PTPN12: variants seen among roughly 807,000 people sequenced by gnomAD.
PTPN12 encodes the protein tyrosine-protein phosphatase non-receptor type 12.
Under a neutral mutation model 97.6 loss-of-function variants are expected in PTPN12, and 29 were observed. The ratio of observed to expected loss-of-function variants is 0.30; its 90% CI spans 0.22 to 0.41. The LOEUF (loss-of-function observed/expected upper bound fraction) is 0.41. Among genes scored for constraint, PTPN12 ranks in the 10% least tolerant of loss-of-function variants. PTPN12 has a pLI of 1.00. For synonymous variants in PTPN12, 327 were observed against 300.4 expected, an observed-to-expected ratio of 1.09 and a Z score of -0.91; for missense variants, 819 against 926.0, an observed-to-expected ratio of 0.88 and a Z score of 1.50.
At chr7:77,627,740 T>C (rs894161181) in intron 13 of PTPN12, 65 bp downstream of exon 13, 23 of 1,404,604 alleles carry the variant, frequency 1.6e-5, no homozygotes, top group Non-Finnish European at 1.7e-5. Context: ...TTAAGCACTT[T>C]AGCTGTATTG....
rs75631926 is a variant in PTPN12, at chr7:77,543,078, A to G, written c.99+5433A>G. ...GAGAACCAGAGATGTCAGAAAAGCCAGGGAGAGTTTCAAGAAAGGAGTTAT... is the reference window on the plus strand; with the variant it reads ...GAGAACCAGAGATGTCAGAAAAGCCGGGGAGAGTTTCAAGAAAGGAGTTAT... On this transcript the variant is annotated intron_variant, in intron 1 of 17. Coordinates refer to ENST00000248594, the MANE Select transcript of PTPN12 (RefSeq NM_002835.4). 5.1e-3 allele frequency among the ~76,000 whole-genome samples: 774 copies of G among 152,326 alleles called. 21 individuals are homozygous for G. The highest frequency in any genetic ancestry group is 0.034 in the Admixed American group (521 of 15,298).
chr7:77,604,051 C>G (rs1234188202), intron 8 of PTPN12, among the ~76,000 whole-genome samples: 1 of 146,884 alleles, frequency 6.8e-6, no homozygotes, highest in Non-Finnish European at 1.5e-5. Flanking sequence ...CTACACCCAG[C>G]TAATTTTGGG....
At chr7:77,596,767 G>A (rs977906057) in intron 6 of PTPN12, among the ~76,000 whole-genome samples, 1 of 152,092 alleles carries the variant, frequency 6.6e-6, no homozygotes, top group African/African-American at 2.4e-5. Flanking sequence ...TGAGAGGAAG[G>A]TACAGAGATT....
chr7:77,582,212 G>A (rs1233606015), intron 3 of PTPN12, among the ~76,000 whole-genome samples: 2 of 145,210 alleles, frequency 1.4e-5, no homozygotes, highest in Non-Finnish European at 3.0e-5. Context: ...CTCCTGCCTT[G>A]GTCTCGATCT....
chr7:77,590,592 G>T (rs1004146800), intron 5 of PTPN12, among the ~76,000 whole-genome samples: 1 of 148,366 alleles, frequency 6.7e-6, no homozygotes, highest in Non-Finnish European at 1.5e-5. Flanking sequence ...AGACAGTCTC[G>T]CTCTGTCGCC....
At chr7:77,596,108 T>C (rs1173385906) in intron 6 of PTPN12, among the ~76,000 whole-genome samples, 1 of 152,226 alleles carries the variant, frequency 6.6e-6, no homozygotes, top group African/African-American at 2.4e-5. Flanking sequence ...TATATTTACA[T>C]GATTCTGGGG....
intron 1 of PTPN12, among the ~76,000 whole-genome samples, chr7:77,541,148 G>T (rs1459150523): frequency 6.6e-6 from 1 of 152,174 alleles, no homozygotes; most frequent in African/African-American, 2.4e-5. Flanking sequence ...TGGAGTGCAT[G>T]GTTGCGATCC....
In PTPN12 at chr7:77,571,134, T is replaced by C. The variant is rs1402500000; in HGVS notation, c.156T>C (p.Thr52=). ...CAGAAAAGATATATCCCACAGCCACTGGAGAAAAAGAAGAAAATGTTAAAA... is the reference window on the plus strand; with the variant it reads ...CAGAAAAGATATATCCCACAGCCACCGGAGAAAAAGAAGAAAATGTTAAAA... The part of the protein sequence containing the change: ...YRTEKIYPTA[T]GEKEENVKKN... The change falls in exon 2 of 18, where the codon ACT becomes ACC. Residue 52 remains threonine, a synonymous_variant. Transcript: ENST00000248594. 1.2e-6 allele frequency: 2 copies of C among 1,605,286 alleles called. No homozygotes were observed. The highest frequency in any genetic ancestry group is 2.2e-5 in the South Asian group (2 of 89,854).
chr7:77,558,103 C>T (rs144587229), intron 1 of PTPN12, among the ~76,000 whole-genome samples: 7 of 149,172 alleles, frequency 4.7e-5, no homozygotes, highest in African/African-American at 9.9e-5. Context: ...CCCAGCTATT[C>T]GGGAGGCTGA....
chr7:77,573,870 CCTGCCTCAG>C (rs1787246351), intron 2 of PTPN12, among the ~76,000 whole-genome samples: 5 of 152,344 alleles, frequency 3.3e-5, no homozygotes, highest in Admixed American at 3.3e-4. Context: ...AAGCTATTTT[CCTGCCTCAG>C]CCTCCCAAGT....
chr7:77,606,307 G>T (rs1447570294), intron 8 of PTPN12, among the ~76,000 whole-genome samples: 1 of 151,978 alleles, frequency 6.6e-6, no homozygotes, highest in Non-Finnish European at 1.5e-5. Context: ...TTGTTAGCTA[G>T]TCACATTTTC....
At chr7:77,546,530 A>G (rs960213575) in intron 1 of PTPN12, among the ~76,000 whole-genome samples, 1 of 152,204 alleles carries the variant, frequency 6.6e-6, no homozygotes, top group Admixed American at 6.5e-5. Flanking sequence ...TCCTTCTGAA[A>G]TCACACAAAA....
rs955854929 is a variant in PTPN12 at position 77,541,063 on chromosome 7, T to G, written c.99+3418T>G. Among the ~76,000 whole-genome samples, 5 of 152,170 alleles carry G rather than the reference T, an allele frequency of 3.3e-5. No individual in the cohort carries two copies. In the East Asian group the frequency reaches 7.7e-4, roughly 23 times the overall value. On this transcript the variant is annotated intron_variant, in intron 1 of 17. Transcript: ENST00000248594. ...CCTGTCATTTAAAGGCTACCTCTGT[T>G]AATATTTTTTGGTTTTGTTTTGTTT...
chr7:77,537,576 C>G lies in PTPN12; in HGVS notation c.30C>G (p.Phe10Leu). The G allele has an allele frequency of 6.2e-7, 1 of 1,601,186 alleles. No individual in the cohort carries two copies. The change falls in exon 1 of 18, where the codon TTC becomes TTG. Residue 10 changes from phenylalanine to leucine, a missense_variant. Around this residue, in one of 5 missense-constraint regions of PTPN12, gnomAD observed 59 missense variants for 42.2 expected, o/e 1.40. Transcript: ENST00000248594. ...AGCAAGTGGAGATCCTGAGGAAATT[C>G]ATCCAGAGGGTCCAGGCCATGAAGA... is the stretch of plus-strand genomic sequence containing the variant. MEQVEILRK[F>L]IQRVQAMKSP...
At chr7:77,621,243 G>A (rs748082686) in intron 12 of PTPN12, among the ~76,000 whole-genome samples, 7 of 146,322 alleles carry the variant, frequency 4.8e-5, no homozygotes, top group Admixed American at 3.5e-4. Flanking sequence ...GGAAGGTATC[G>A]GGCAGAAACA....
intron 1 of PTPN12, among the ~76,000 whole-genome samples, chr7:77,554,623 C>G (rs776364005): frequency 6.6e-6 from 1 of 152,146 alleles, no homozygotes; most frequent in Non-Finnish European, 1.5e-5. Flanking sequence ...TTTGTCTTCT[C>G]TCTAAAAAAT....
Position 77,639,270 on chromosome 7 carries a change from A to T in PTPN12, c.2333A>T (p.Glu778Val), listed in dbSNP as rs1418531239. 8 of 1,612,214 alleles carry T rather than the reference A, an allele frequency of 5.0e-6. No individual in the cohort carries two copies. Among genetic ancestry groups the T allele is most frequent in the Non-Finnish European group, 6.8e-6 (8 of 1,178,956 alleles). Residue 778 changes from glutamate to valine, a missense_variant, in exon 18 of 18, where the codon GAA becomes GTA. By Grantham distance (121) the Glu-to-Val change is moderately radical. This residue lies in a region of PTPN12 where 607 missense variants were observed against 577.3 expected (regional missense o/e 1.05). Transcript: ENST00000248594. ...AAAGGACCAAGAGATCCACCTTCAG[A>T]ATGGACATGATTCAGGGAGCTAGAA... The part of the protein sequence containing the change: ...KPKGPRDPPS[E>V]WT
intron 13 of PTPN12, among the ~76,000 whole-genome samples, chr7:77,628,739 T>C (rs1384451040): frequency 1.3e-5 from 2 of 152,004 alleles, no homozygotes; most frequent in African/African-American, 2.4e-5. Flanking sequence ...GGTTTCGATA[T>C]GTTTGCCAGG....
intron 9 of PTPN12, among the ~76,000 whole-genome samples, chr7:77,609,732 A>AG (rs1703113680): frequency 6.6e-6 from 1 of 151,836 alleles, no homozygotes. Flanking sequence ...TATAAAAAAA[A>AG]TCGCCAGGCG....
Sources: gnomAD v4.1 joint callset for allele counts (sites outside exome capture counted in the v4.1 genomes callset) on GRCh38, gnomAD v4.1.1 for gene constraint, gnomAD v4.1.1 regional missense constraint, MANE v1.5 for transcripts, NCBI Gene and HGNC (gene_info 2026-07-23, HGNC 2026-07-21) for gene names.